Variants in MYRIP observed in about 807,000 individuals in gnomAD.
The protein encoded by MYRIP is rab effector MyRIP.
A neutral mutation model predicts 98.0 loss-of-function variants in MYRIP; 49 were observed. The observed-to-expected ratio is 0.50, with a 90% CI of 0.40 to 0.63. MYRIP has a LOEUF of 0.63. Ranked by LOEUF, MYRIP falls within the 30% of genes least tolerant of loss-of-function variation. MYRIP has a pLI of 0.00. For synonymous variants in MYRIP, 404 were observed against 409.5 expected (o/e 0.99, Z 0.16); for missense variants, 1,004 against 1,058.2 (o/e 0.95, Z 0.71).
chr3:40,180,656 G>A (rs549906119), intron 8 of MYRIP, among the ~76,000 whole-genome samples: 9 of 152,168 alleles, frequency 5.9e-5, no homozygotes, highest in Admixed American at 1.3e-4. Flanking sequence ...CCATTGCATC[G>A]AAAGGCAGGT....
intron 2 of MYRIP, among the ~76,000 whole-genome samples, chr3:40,031,196 C>T (rs1284409387): frequency 6.6e-6 from 1 of 152,094 alleles, no homozygotes; most frequent in East Asian, 1.9e-4. Context: ...TGTCTTCTCT[C>T]TGTGTCCTCA....
chr3:40,162,659 C>G, intron 4 of MYRIP, 71 bp from the exon 5 acceptor site: 3 of 1,344,860 alleles, frequency 2.2e-6, no homozygotes, highest in Non-Finnish European at 3.2e-6. Flanking sequence ...TTCAGTGACA[C>G]AGTGCATCAG....
chr3:39,885,588 G>A (rs1249404424), intron 1 of MYRIP, among the ~76,000 whole-genome samples: 1 of 151,866 alleles, frequency 6.6e-6, no homozygotes, highest in East Asian at 1.9e-4. Flanking sequence ...ATCCCGCAGA[G>A]TGTTTTCCAA....
chr3:40,081,420 T>C (rs903957230), intron 3 of MYRIP, among the ~76,000 whole-genome samples: 5 of 152,228 alleles, frequency 3.3e-5, no homozygotes, highest in Admixed American at 3.3e-4. Context: ...AGTTATTAGG[T>C]ACATACAAGT....
chr3:40,168,172 A>G (rs1372497199), intron 7 of MYRIP, among the ~76,000 whole-genome samples: 2 of 152,158 alleles, frequency 1.3e-5, no homozygotes, highest in Non-Finnish European at 2.9e-5. Flanking sequence ...TGTAACAGAC[A>G]CTCCTATCAC....
At chr3:40,183,345 T>G (rs1453089702) in intron 9 of MYRIP, among the ~76,000 whole-genome samples, 1 of 152,214 alleles carries the variant, frequency 6.6e-6, no homozygotes. Flanking sequence ...CCTCTGCTCT[T>G]CCTGATTCCT....
intron 3 of MYRIP, among the ~76,000 whole-genome samples, chr3:40,057,551 C>A (rs1947909089): frequency 6.6e-6 from 1 of 152,166 alleles, no homozygotes; most frequent in Non-Finnish European, 1.5e-5. Flanking sequence ...TAACTCCCAG[C>A]AAGTCCTGCT....
intron 11 of MYRIP, among the ~76,000 whole-genome samples, chr3:40,219,630 C>T (rs1952263654): frequency 6.6e-6 from 1 of 152,072 alleles, no homozygotes; most frequent in African/African-American, 2.4e-5. Flanking sequence ...TGATGGTTTC[C>T]AGCTTCATCC....
At chr3:40,029,018 T>G (rs557367214) in intron 2 of MYRIP, among the ~76,000 whole-genome samples, 1 of 152,168 alleles carries the variant, frequency 6.6e-6, no homozygotes, top group Non-Finnish European at 1.5e-5. Flanking sequence ...ACAAAACTCA[T>G]AAAGCTCAAG....
chr3:39,871,731 A>G (rs1230065275), intron 1 of MYRIP, among the ~76,000 whole-genome samples: 2 of 152,112 alleles, frequency 1.3e-5, no homozygotes, highest in Non-Finnish European at 2.9e-5. Flanking sequence ...TGAGACCTGT[A>G]TAGTTGTCTA....
At chr3:40,023,402 G>A (rs2125809356) in intron 2 of MYRIP, among the ~76,000 whole-genome samples, 1 of 152,276 alleles carries the variant, frequency 6.6e-6, no homozygotes, top group South Asian at 2.1e-4. Flanking sequence ...AAAACATAAT[G>A]TTACCCAGAG....
chr3:40,228,636 T>C (rs1952559699), intron 11 of MYRIP, among the ~76,000 whole-genome samples: 1 of 152,224 alleles, frequency 6.6e-6, no homozygotes, highest in African/African-American at 2.4e-5. Context: ...TTTGCTCTTG[T>C]TCTTGTTATA....
chr3:39,971,509 C>T (rs1468384646), intron 2 of MYRIP, among the ~76,000 whole-genome samples: 8 of 151,878 alleles, frequency 5.3e-5, no homozygotes, highest in Admixed American at 2.0e-4. Flanking sequence ...AATAGAAAAC[C>T]AGATGGAAGC....
intron 1 of MYRIP, among the ~76,000 whole-genome samples, chr3:39,823,098 C>A (rs1941157762): frequency 6.7e-6 from 1 of 149,322 alleles, no homozygotes; most frequent in East Asian, 2.0e-4. Flanking sequence ...TGGCTCACTG[C>A]AACCTCCGCC....
rs1950234632 is a variant in MYRIP, at chr3:40,156,210, TG to T, written c.469+5028del. ...GGATCCAGTTTCAGCTTTCTACATA[TG>T]GCTAGCCAGTTTTCCCAGCACCATT... On this transcript the variant is annotated intron_variant, in intron 4 of 16. Transcript: ENST00000302541. 4.0e-5 allele frequency among the ~76,000 whole-genome samples: 6 copies of T among 151,774 alleles called. No homozygotes were observed. The East Asian group carries it at 1.2e-3, about 29-fold the overall frequency.
intron 3 of MYRIP, among the ~76,000 whole-genome samples, chr3:40,091,235 G>C: frequency 6.7e-6 from 1 of 148,578 alleles, no homozygotes; most frequent in Non-Finnish European, 1.5e-5. Flanking sequence ...GAGTAGAAGA[G>C]GGTCTGGCTA....
chr3:39,936,010 C>T (rs560398383), intron 2 of MYRIP, among the ~76,000 whole-genome samples: 6 of 152,286 alleles, frequency 3.9e-5, no homozygotes, highest in African/African-American at 1.4e-4. Flanking sequence ...TCAACACCTA[C>T]ATCTGTGTAA....
chr3:40,212,579 G>A, intron 11 of MYRIP, among the ~76,000 whole-genome samples: 1 of 152,022 alleles, frequency 6.6e-6, no homozygotes, highest in East Asian at 1.9e-4. Flanking sequence ...GACCAGCCTA[G>A]GCAACACGGC....
chr3:39,883,475 G>C (rs1328133049), intron 1 of MYRIP, among the ~76,000 whole-genome samples: 1 of 152,030 alleles, frequency 6.6e-6, no homozygotes, highest in Admixed American at 6.6e-5. Context: ...CCCAGATACT[G>C]AGTTATCAGA....
Sources: gnomAD v4.1 joint callset for allele counts (sites outside exome capture counted in the v4.1 genomes callset) on GRCh38, gnomAD v4.1.1 for gene constraint, MANE v1.5 for transcripts, NCBI Gene and HGNC (gene_info 2026-07-23, HGNC 2026-07-21) for gene names.